Variants in UBE2N observed in about 807,000 individuals in gnomAD.
UBE2N encodes ubiquitin conjugating enzyme E2 N, also known as ubiquitin-conjugating enzyme E2 N.
For missense variants in UBE2N, 60 were observed against 192.1 expected (o/e 0.31, Z 4.07); for synonymous variants, 70 against 69.2 (o/e 1.01, Z -0.06).
chr12:93,427,524 CATTTAT>C, intron 1 of UBE2N, among the ~76,000 whole-genome samples: 1 of 152,230 alleles, frequency 6.6e-6, no homozygotes, highest in Admixed American at 6.5e-5. Flanking sequence ...TGTATAATTC[CATTTAT>C]ATGAAGTGTG....
At chr12:93,436,927 T>G (rs927582070) in intron 1 of UBE2N, among the ~76,000 whole-genome samples, 20 of 152,102 alleles carry the variant, frequency 1.3e-4, no homozygotes, top group African/African-American at 4.8e-4. Flanking sequence ...TATAGCACAA[T>G]TTAGGAAACA....
At chr12:93,430,322 T>C (rs1324009879) in intron 1 of UBE2N, among the ~76,000 whole-genome samples, 1 of 152,180 alleles carries the variant, frequency 6.6e-6, no homozygotes, top group East Asian at 1.9e-4. Context: ...ATATACTCTA[T>C]GATGTTCACA....
chr12:93,410,496 T>C, intron 3 of UBE2N: 3 of 606,290 alleles, frequency 4.9e-6, no homozygotes, highest in Non-Finnish European at 8.6e-6. Context: ...ACTCAGTATT[T>C]GTTAAACCAG....
Position 93,409,995 on chromosome 12 carries a change from T to C in UBE2N, c.*44A>G. On this transcript the variant is annotated 3_prime_UTR_variant, in exon 4 of 4. Transcript: ENST00000318066. ...AATGCAAACAAAGAGGAGGAAGTCT[T>C]GGCAGAACAGGAGAAGTGATGCACA... is the stretch of plus-strand genomic sequence containing the variant. 1 of 1,599,752 alleles carries C rather than the reference T, an allele frequency of 6.3e-7. No individual in the cohort carries two copies. The highest frequency in any genetic ancestry group is 8.6e-7 in the Non-Finnish European group (1 of 1,168,742).
At chr12:93,432,008 C>T (rs1041083291) in intron 1 of UBE2N, among the ~76,000 whole-genome samples, 1 of 152,152 alleles carries the variant, frequency 6.6e-6, no homozygotes, top group East Asian at 1.9e-4. Flanking sequence ...CTGAGGCGGG[C>T]GGATCACGAG....
chr12:93,410,710 T>C (rs1592738883), intron 3 of UBE2N, 24 bp downstream of exon 3: 1 of 1,613,280 alleles, frequency 6.2e-7, no homozygotes. Context: ...GGAAGTGGTG[T>C]GAAGGAGAAT....
intron 1 of UBE2N, among the ~76,000 whole-genome samples, chr12:93,412,060 A>T (rs1467526181): frequency 6.6e-6 from 1 of 152,128 alleles, no homozygotes; most frequent in African/African-American, 2.4e-5. Flanking sequence ...GAAAGGAGAT[A>T]AGAAGAGGCC....
chr12:93,424,597 G>C (rs1031241504), intron 1 of UBE2N, among the ~76,000 whole-genome samples: 1 of 152,192 alleles, frequency 6.6e-6, no homozygotes, highest in South Asian at 2.1e-4. Flanking sequence ...CTCCCACACA[G>C]TAAGCATCCT....
intron 1 of UBE2N, among the ~76,000 whole-genome samples, chr12:93,440,933 C>G (rs560568061): frequency 6.7e-6 from 1 of 148,226 alleles, no homozygotes; most frequent in South Asian, 2.1e-4. Flanking sequence ...CAAAAGATTT[C>G]ACGAGATCCC....
At chr12:93,414,868 A>G (rs1878153413) in intron 1 of UBE2N, among the ~76,000 whole-genome samples, 1 of 152,194 alleles carries the variant, frequency 6.6e-6, no homozygotes, top group African/African-American at 2.4e-5. Context: ...CCATGAGAGG[A>G]TGGATTTGAG....
rs1877811711 is a variant in UBE2N, at chr12:93,406,287, A to G, written c.*3752T>C. ...TGGCTAGAGCAGCCAAAAAAAAAAA[A>G]AAAAAAAAAAAAAAAAAAGGTTCCT... On this transcript the variant is annotated 3_prime_UTR_variant, in exon 4 of 4. Coordinates refer to ENST00000318066, the MANE Select transcript of UBE2N (RefSeq NM_003348.4). 2 of 135,138 alleles carry G rather than the reference A, an allele frequency of 1.5e-5. No homozygotes were observed. The highest frequency in any genetic ancestry group is 5.9e-5 in the African/African-American group (2 of 33,976). The allele number at this position is 135,138 out of a possible 1,614,324, so 8.4% of individuals were successfully genotyped here.
rs1044711707 is a variant in UBE2N, at chr12:93,424,959, G to A, written c.31-13660C>T. The stretch of plus-strand genomic sequence containing the variant: ...CAAATACATAAATGAACTTTGTTTC[G>A]TTTATGAAACGAACAAACCATTTTC... On this transcript the variant is annotated intron_variant, in intron 1 of 3. Coordinates refer to ENST00000318066, the MANE Select transcript of UBE2N (RefSeq NM_003348.4). Among the ~76,000 whole-genome samples the A allele has an allele frequency of 1.3e-4, 20 of 152,018 alleles. 1 individual carries two copies. Among genetic ancestry groups the A allele is most frequent in the Middle Eastern group, 3.2e-3 (1 of 316 alleles).
chr12:93,434,866 A>C (rs780900624), intron 1 of UBE2N, among the ~76,000 whole-genome samples: 7 of 152,134 alleles, frequency 4.6e-5, no homozygotes, highest in Non-Finnish European at 7.3e-5. Context: ...CTTATAACAA[A>C]TCTGTCTTCA....
Position 93,407,927 on chromosome 12 carries a change from TATG to T in UBE2N, c.*2109_*2111del, listed in dbSNP as rs1306729514. ...TTACCAAAACTGCAAAGGAAAAAAA[TATG>T]ATACCATGAAATTAGAAATTCACTG... On this transcript the variant is annotated 3_prime_UTR_variant, in exon 4 of 4. Coordinates refer to ENST00000318066, the MANE Select transcript of UBE2N (RefSeq NM_003348.4). 4 of 152,008 alleles carry T rather than the reference TATG, an allele frequency of 2.6e-5. No homozygotes were observed. Among genetic ancestry groups the T allele is most frequent in the Non-Finnish European group, 5.9e-5 (4 of 67,956 alleles). 9.4% of individuals were successfully genotyped at this position (152,008 alleles called of 1,614,324 possible).
At chr12:93,427,487 AGAAG>A (rs1293030294) in intron 1 of UBE2N, among the ~76,000 whole-genome samples, 3 of 152,276 alleles carry the variant, frequency 2.0e-5, no homozygotes, top group African/African-American at 4.8e-5. Flanking sequence ...GCTAAATGAA[AGAAG>A]CCAGAAAGAA....
rs1214792062 is a variant in UBE2N, at chr12:93,408,114, C to T, written c.*1925G>A. On this transcript the variant is annotated 3_prime_UTR_variant, in exon 4 of 4. Coordinates refer to ENST00000318066, the MANE Select transcript of UBE2N (RefSeq NM_003348.4). Reference sequence around the variant, plus strand: ...CTATAACCATGAGCAATATTACGGGCAGTAAATGTTGATTTCTATTTCGTT... The same window carrying T: ...CTATAACCATGAGCAATATTACGGGTAGTAAATGTTGATTTCTATTTCGTT... 6.6e-6 allele frequency: 1 copy of T among 152,134 alleles called. No homozygotes were observed. The highest frequency in any genetic ancestry group is 2.4e-5 in the African/African-American group (1 of 41,426). The allele number at this position is 152,134 out of a possible 1,614,324, so 9.4% of individuals were successfully genotyped here.
At chr12:93,418,935 T>A (rs1298378079) in intron 1 of UBE2N, among the ~76,000 whole-genome samples, 2 of 152,204 alleles carry the variant, frequency 1.3e-5, no homozygotes, top group Admixed American at 6.5e-5. Context: ...AACAGCCACA[T>A]GGAATGATTA....
At chr12:93,430,658 A>C (rs1878734600) in intron 1 of UBE2N, among the ~76,000 whole-genome samples, 1 of 151,864 alleles carries the variant, frequency 6.6e-6, no homozygotes, top group Non-Finnish European at 1.5e-5. Context: ...CACGCCTGTA[A>C]TCCCAACACT....
chr12:93,422,098 CTT>C (rs993870119), intron 1 of UBE2N, among the ~76,000 whole-genome samples: 24 of 152,114 alleles, frequency 1.6e-4, no homozygotes, highest in African/African-American at 5.1e-4. Flanking sequence ...TTTTTTCCCT[CTT>C]TGTTTTTTCA....
Sources: gnomAD v4.1 joint callset for allele counts (sites outside exome capture counted in the v4.1 genomes callset) on GRCh38, gnomAD v4.1.1 for gene constraint, MANE v1.5 for transcripts, NCBI Gene and HGNC (gene_info 2026-07-23, HGNC 2026-07-21) for gene names.